The following CHRND variants were observed in gnomAD, a reference collection of about 807,000 sequenced individuals.
CHRND encodes the protein cholinergic receptor nicotinic delta subunit, also known as acetylcholine receptor subunit delta.
In CHRND, 40 loss-of-function variants were observed where a neutral mutation model predicts 57.8. That is an observed-to-expected ratio of 0.69 (90% CI 0.54 to 0.90). CHRND has a LOEUF of 0.90. Ranked by LOEUF, CHRND falls within the 40% of genes least tolerant of loss-of-function variation. The probability of loss-of-function intolerance (pLI) is 0.00; values close to 1 mark genes in which losing one functional copy is unlikely to be tolerated. For missense variants in CHRND, 634 were observed against 673.9 expected (o/e 0.94, Z 0.66); for synonymous variants, 237 against 270.6 (o/e 0.88, Z 1.22).
At position 232,536,376 on chromosome 2, in the gene CHRND, T is replaced by A; in HGVS notation, c.*1064T>A. ...CTCTTTCTTGCTCATTAGCCCTCAT[T>A]CTCACATCAGTTGGATCTCTCACTT... is the stretch of plus-strand genomic sequence containing the variant. On this transcript the variant is annotated 3_prime_UTR_variant, in exon 12 of 12. Coordinates refer to ENST00000258385, the MANE Select transcript of CHRND (RefSeq NM_000751.3). 1 of 454,118 alleles carries A rather than the reference T, an allele frequency of 2.2e-6. No homozygotes were observed. The highest frequency in any genetic ancestry group is 4.4e-6 in the Non-Finnish European group (1 of 226,782). 28.1% of individuals were successfully genotyped at this position (454,118 alleles called of 1,614,324 possible).
At chr2:232,532,382 C>T (rs1002229081) in intron 9 of CHRND, among the ~76,000 whole-genome samples, 5 of 150,232 alleles carry the variant, frequency 3.3e-5, no homozygotes, top group Middle Eastern at 3.5e-3. Flanking sequence ...GTACGAGAAT[C>T]GCTTGAACTC....
At position 232,526,825 on chromosome 2, in the gene CHRND, C is replaced by G. The variant is rs575837654; in HGVS notation, c.198+151C>G. On this transcript the variant is annotated intron_variant, in intron 2 of 11. Coordinates refer to ENST00000258385, the MANE Select transcript of CHRND (RefSeq NM_000751.3). ...TGCGGCTGCTCTGTGCCCTGAGAGG[C>G]TGCTGTCCTGCCCCTCCAGTGTCAG... The G allele has an allele frequency of 5.1e-6, 4 of 788,166 alleles. No homozygotes were observed. The South Asian group carries it at 6.7e-5, about 13-fold the overall frequency. The allele number at this position is 788,166 out of a possible 1,614,324, so 48.8% of individuals were successfully genotyped here.
intron 9 of CHRND, among the ~76,000 whole-genome samples, chr2:232,533,240 G>A (rs970436463): frequency 1.3e-5 from 2 of 152,202 alleles, no homozygotes; most frequent in East Asian, 1.9e-4. Flanking sequence ...TGCTGGTCTC[G>A]AACTCCTGAC....
chr2:232,527,758 G>T (rs967694386), intron 3 of CHRND, among the ~76,000 whole-genome samples: 2 of 152,248 alleles, frequency 1.3e-5, no homozygotes, highest in East Asian at 1.9e-4. Flanking sequence ...AAAAGAGAAT[G>T]CCCCGCCCAG....
rs765619567 is a variant in CHRND at position 232,530,028 on chromosome 2, A to T, written c.709A>T (p.Thr237Ser). ...PLDSPSRQDI[T>S]FYLIIRRKPL... The stretch of plus-strand genomic sequence containing the variant: ...GGACAGCCCCAGCCGCCAGGACATC[A>T]CCTTCTACCTCATCATCCGCCGCAA... Residue 237 changes from threonine (T) to serine (S), a missense_variant, in exon 7 of 12, where the codon ACC becomes TCC. Transcript: ENST00000258385. The T allele has an allele frequency of 1.1e-5, 18 of 1,613,932 alleles. No individual in the cohort carries two copies. The highest frequency in any genetic ancestry group is 1.5e-5 in the Non-Finnish European group (18 of 1,179,970).
At chr2:232,532,425 ACCACTGCACTCCAG>A (rs1218739211) in intron 9 of CHRND, among the ~76,000 whole-genome samples, 48 of 143,470 alleles carry the variant, frequency 3.3e-4, no homozygotes, top group Admixed American at 7.3e-4. Flanking sequence ...CCGAGATCTC[ACCACTGCACTCCAG>A]CCTGGGCGAC....
At chr2:232,526,371 C>T in intron 1 of CHRND, 104 bp downstream of exon 1, 1 of 1,520,188 alleles carries the variant, frequency 6.6e-7, no homozygotes, top group Non-Finnish European at 9.0e-7. Context: ...GCCATCTCTC[C>T]CTGTGGGGGG....
At chr2:232,532,446 C>T (rs12478077) in intron 9 of CHRND, among the ~76,000 whole-genome samples, 34,949 of 136,242 alleles carry the variant, frequency 0.26, 4,805 homozygotes, top group Admixed American at 0.39. Context: ...CCAGCCTGGG[C>T]GACAAGAGAC....
intron 7 of CHRND, among the ~76,000 whole-genome samples, chr2:232,530,374 G>A (rs959726519): frequency 2.6e-5 from 4 of 152,192 alleles, no homozygotes; most frequent in Non-Finnish European, 5.9e-5. Flanking sequence ...TACTTCCCAC[G>A]GACTCTCAGA....
chr2:232,528,662 C>T lies in CHRND; in HGVS notation c.509+6C>T. On this transcript the variant is annotated splice_donor_region_variant and intron_variant, in intron 5 of 11. Transcript: ENST00000258385. Reference sequence around the variant, plus strand: ...AACTGCTCCCTCAAGTTCAGGTGTGCCCTTTTCTCCAGCCACCCCTCACCC... The same window carrying T: ...AACTGCTCCCTCAAGTTCAGGTGTGTCCTTTTCTCCAGCCACCCCTCACCC... 1 of 1,613,754 alleles carries T rather than the reference C, an allele frequency of 6.2e-7. No homozygotes were observed. Among genetic ancestry groups the T allele is most frequent in the African/African-American group, 1.3e-5 (1 of 75,016 alleles).
chr2:232,527,415 G>A lies in CHRND; in HGVS notation c.213G>A (p.Glu71=). Residue 71 remains glutamate (E), a synonymous_variant, in exon 3 of 12, where the codon GAG becomes GAA. Transcript: ENST00000258385. ...SNLISLKEVE[E]TLTTNVWIEH... ...TCTAATTACAGAAAGAAGTTGAGGAGACCCTCACTACCAATGTGTGGATAG... is the reference window on the plus strand; with the variant it reads ...TCTAATTACAGAAAGAAGTTGAGGAAACCCTCACTACCAATGTGTGGATAG... 2.5e-6 allele frequency: 4 copies of A among 1,613,346 alleles called. No individual in the cohort carries two copies. The African/African-American group carries it at 5.3e-5, about 22-fold the overall frequency.
intron 9 of CHRND, 145 bp from the exon 10 acceptor site, chr2:232,533,786 G>A: frequency 1.3e-6 from 1 of 790,816 alleles, no homozygotes; most frequent in Non-Finnish European, 2.1e-6. Context: ...ACTGAGGCAA[G>A]AAATCACTTG....
chr2:232,527,343 T>C (rs1164991317), intron 2 of CHRND, 58 bp from the exon 3 acceptor site: 6 of 1,363,514 alleles, frequency 4.4e-6, no homozygotes, highest in Non-Finnish European at 6.3e-6. Context: ...AGTGGGTGAA[T>C]GTGTGCGGAT....
intron 3 of CHRND, among the ~76,000 whole-genome samples, chr2:232,527,895 T>G (rs1177658474): frequency 6.6e-6 from 1 of 152,208 alleles, no homozygotes; most frequent in African/African-American, 2.4e-5. Context: ...GGCCCAACTG[T>G]CCTTCCCCCA....
At position 232,528,303 on chromosome 2, in the gene CHRND, TG is replaced by T; in HGVS notation, c.287del (p.Gly96GlufsTer86). On this transcript the variant is annotated frameshift_variant, in exon 4 of 12. Transcript: ENST00000258385. LOFTEE classifies it high-confidence loss of function. ...GGCTGAAGTGGAATGCTGAAGAATT[TG>T]GAAACATCAGTGTCCTGCGCCTCCC... is the stretch of plus-strand genomic sequence containing the variant. Reference protein sequence around the residue: ...NRLKWNAEEFGNISVLRLPPD... With the variant: ...NRLKWNAEEFXNISVLRLPPD... 1 of 1,614,216 alleles carries T rather than the reference TG, an allele frequency of 6.2e-7. No homozygotes were observed. Among genetic ancestry groups the T allele is most frequent in the Non-Finnish European group, 8.5e-7 (1 of 1,180,038 alleles).
chr2:232,531,737 C>T lies in CHRND; in HGVS notation c.1047+81C>T, dbSNP rs1691706466. On this transcript the variant is annotated intron_variant, in intron 9 of 11. Coordinates refer to ENST00000258385, the MANE Select transcript of CHRND (RefSeq NM_000751.3). ...GCTGAGGCGGGAGAATCTCTTGAGC[C>T]CAGGAGTTGGAGACCAGCCTGGGCA... is the stretch of plus-strand genomic sequence containing the variant. 6 of 1,259,456 alleles carry T rather than the reference C, an allele frequency of 4.8e-6. No individual in the cohort carries two copies. In the Admixed American group the frequency reaches 8.7e-5, roughly 18 times the overall value. 78.0% of individuals were successfully genotyped at this position (1,259,456 alleles called of 1,614,324 possible).
Position 232,535,449 on chromosome 2 carries a change from C to T in CHRND, c.*137C>T. ...CCAAGGAAGGGAGGGAGCAGCCACT[C>T]CTCAATGCTCAATGGCTCCCCTGAA... On this transcript the variant is annotated 3_prime_UTR_variant, in exon 12 of 12. Coordinates refer to ENST00000258385, the MANE Select transcript of CHRND (RefSeq NM_000751.3). The T allele has an allele frequency of 1.9e-6, 2 of 1,053,252 alleles. No individual in the cohort carries two copies. The highest frequency in any genetic ancestry group is 1.4e-6 in the Non-Finnish European group (1 of 704,180). The allele number at this position is 1,053,252 out of a possible 1,614,324, so 65.2% of individuals were successfully genotyped here.
chr2:232,531,468 G>C lies in CHRND; in HGVS notation c.932+5G>C. On this transcript the variant is annotated splice_donor_5th_base_variant and intron_variant, in intron 8 of 11. Transcript: ENST00000258385. ...GGCCATCCCCCTTATCGGCAAGTGA[G>C]TGACGCTCAAGCCCGGCCTCACCCT... 1 of 1,613,934 alleles carries C rather than the reference G, an allele frequency of 6.2e-7. No individual in the cohort carries two copies.
In CHRND at chr2:232,534,029, A is replaced by G; in HGVS notation, c.1146A>G (p.Gly382=). 6.2e-7 allele frequency: 1 copy of G among 1,614,034 alleles called. No homozygotes were observed. Among genetic ancestry groups the G allele is most frequent in the Non-Finnish European group, 8.5e-7 (1 of 1,180,022 alleles). ...GALVRRSSSL[G]YISKAEEYFL... is the part of the protein sequence containing the mutation. ...TGGTGCGGAGGAGCAGCTCCCTGGG[A>G]TACATCTCCAAGGCCGAGGAGTACT... Residue 382 remains glycine, a synonymous_variant, in exon 10 of 12, where the codon GGA becomes GGG. Transcript: ENST00000258385.
Sources: allele counts gnomAD v4.1 joint callset (sites outside exome capture counted in the v4.1 genomes callset), GRCh38; gene constraint gnomAD v4.1.1; transcripts MANE v1.5; gene names NCBI Gene and HGNC (gene_info 2026-07-23, HGNC 2026-07-21).